FUBP1: variants seen among roughly 807,000 people sequenced by gnomAD.
FUBP1 encodes the protein far upstream element-binding protein 1.
Under a neutral mutation model 94.9 loss-of-function variants are expected in FUBP1, and 16 were observed. The observed-to-expected ratio is 0.17, with a 90% CI of 0.11 to 0.26. The LOEUF (loss-of-function observed/expected upper bound fraction) is 0.26. Among genes scored for constraint, FUBP1 ranks in the 10% least tolerant of loss-of-function variants. FUBP1 has a pLI of 1.00. For missense variants in FUBP1, 583 were observed against 808.6 expected, an observed-to-expected ratio of 0.72 and a Z score of 3.38; for synonymous variants, 279 against 254.9, an observed-to-expected ratio of 1.09 and a Z score of -0.90.
In FUBP1 at chr1:77,963,602, A is replaced by G. The variant is rs1321277813; in HGVS notation, c.1155T>C (p.Thr385=). 2 of 1,592,544 alleles carry G rather than the reference A, an allele frequency of 1.3e-6. No homozygotes were observed. Among genetic ancestry groups the G allele is most frequent in the South Asian group, 2.2e-5 (2 of 90,574 alleles). The part of the protein sequence containing the change: ...GLQEFNFIVP[T]GKTGLIIGKG... ...TTCCTATTATTAATCCAGTTTTCCC[A>G]GTTGGCACAATAAAATTAAATTCCT... The change falls in exon 13 of 20, where the codon ACT becomes ACC. Residue 385 remains threonine, a synonymous_variant. Transcript: ENST00000370768.
At chr1:77,959,991 G>T (rs771210489) in intron 16 of FUBP1, among the ~76,000 whole-genome samples, 193 bp downstream of exon 16, 2 of 152,192 alleles carry the variant, frequency 1.3e-5, no homozygotes, top group Non-Finnish European at 2.9e-5. Context: ...CAAGTAGAAA[G>T]AAATTCCATA....
chr1:77,948,403 A>G lies in FUBP1; in HGVS notation c.*363T>C. The G allele has an allele frequency of 9.3e-7, 1 of 1,081,016 alleles. No homozygotes were observed. The highest frequency in any genetic ancestry group is 1.1e-6 in the Non-Finnish European group (1 of 886,782). 67.0% of individuals were successfully genotyped at this position (1,081,016 alleles called of 1,614,324 possible). A position where few individuals can be genotyped will look rare whatever the true frequency, so the allele number is the denominator to read the frequency against. On this transcript the variant is annotated 3_prime_UTR_variant, in exon 20 of 20. Transcript: ENST00000370768. ...ACCCACATATCCAACTTACCGACAC[A>G]GGAGGTTTCATATCATTTATTGTAA...
rs1222661015 is a variant in FUBP1, at chr1:77,947,599, T to A, written c.*1167A>T. ...CAGACTGTATTTGCATGTAGTCTAA[T>A]ATATTAATATGCAAAGAGCCAACAA... On this transcript the variant is annotated 3_prime_UTR_variant, in exon 20 of 20. Coordinates refer to ENST00000370768, the MANE Select transcript of FUBP1 (RefSeq NM_003902.5). 1 of 1,188,380 alleles carries A rather than the reference T, an allele frequency of 8.4e-7. No individual in the cohort carries two copies. Among genetic ancestry groups the A allele is most frequent in the Non-Finnish European group, 1.1e-6 (1 of 877,306 alleles). 73.6% of individuals were successfully genotyped at this position (1,188,380 alleles called of 1,614,324 possible).
At position 77,945,187 on chromosome 1, in the gene FUBP1, T is replaced by C. The variant is rs1423438360; in HGVS notation, c.*3579A>G. ...ACAGAAACAATGCCCCAATATCTAT[T>C]ATCATCAATCTATCTGTATTTTTTT... is the stretch of plus-strand genomic sequence containing the variant. On this transcript the variant is annotated 3_prime_UTR_variant, in exon 20 of 20. Transcript: ENST00000370768. Among the ~76,000 whole-genome samples, 2 of 151,868 alleles carry C rather than the reference T, an allele frequency of 1.3e-5. No individual in the cohort carries two copies. The highest frequency in any genetic ancestry group is 4.8e-5 in the African/African-American group (2 of 41,404).
At chr1:77,960,287 A>G (rs1418518078) in intron 15 of FUBP1, 24 bp from the exon 16 acceptor site, 3 of 1,612,650 alleles carry the variant, frequency 1.9e-6, no homozygotes, top group South Asian at 1.1e-5. Flanking sequence ...TCAGCATAAA[A>G]AACAGTCCCA....
chr1:77,955,521 G>A (rs1654285240), intron 17 of FUBP1, 192 bp from the exon 18 acceptor site: 4 of 495,518 alleles, frequency 8.1e-6, no homozygotes, highest in Non-Finnish European at 1.4e-5. Context: ...GTGGTGGACA[G>A]AAAAGAAAAC....
In FUBP1 at chr1:77,946,671, T is replaced by C. The variant is rs920396064; in HGVS notation, c.*2095A>G. ...ACAGCCTCCAATTTGTGAATTATGA[T>C]ACTGAATTCAACTGAACTACTTCTT... On this transcript the variant is annotated 3_prime_UTR_variant, in exon 20 of 20. Transcript: ENST00000370768. The C allele has an allele frequency of 3.9e-5, 8 of 204,690 alleles. No individual in the cohort carries two copies. The highest frequency in any genetic ancestry group is 1.2e-4 in the Admixed American group (2 of 16,744). The allele number at this position is 204,690 out of a possible 1,614,324, so 12.7% of individuals were successfully genotyped here. A position where few individuals can be genotyped will look rare whatever the true frequency, so the allele number is the denominator to read the frequency against.
intron 14 of FUBP1, among the ~76,000 whole-genome samples, chr1:77,961,207 A>G (rs1025667700): frequency 2.6e-5 from 4 of 152,230 alleles, no homozygotes; most frequent in African/African-American, 9.7e-5. Context: ...AAGCCAACAA[A>G]GACATTACAC....
chr1:77,952,590 A>C (rs1359419018), intron 18 of FUBP1, among the ~76,000 whole-genome samples: 2 of 152,192 alleles, frequency 1.3e-5, no homozygotes, highest in Non-Finnish European at 2.9e-5. Flanking sequence ...TGAGATAAAG[A>C]TATCTCCCTA....
chr1:77,962,533 T>TC (rs1655687797), intron 14 of FUBP1, among the ~76,000 whole-genome samples: 1 of 152,186 alleles, frequency 6.6e-6, no homozygotes, highest in African/African-American at 2.4e-5. Flanking sequence ...AACACTACCC[T>TC]CCTCTTATCT....
intron 1 of FUBP1, among the ~76,000 whole-genome samples, chr1:77,974,474 G>T (rs2102505669): frequency 6.6e-6 from 1 of 152,142 alleles, no homozygotes; most frequent in Non-Finnish European, 1.5e-5. Context: ...TCACCATGTT[G>T]CCTAGGGTGG....
At chr1:77,977,259 G>T (rs2102535138) in intron 1 of FUBP1, among the ~76,000 whole-genome samples, 1 of 152,284 alleles carries the variant, frequency 6.6e-6, no homozygotes, top group African/African-American at 2.4e-5. Flanking sequence ...TGTAATCCCA[G>T]CTTTGGGAGG....
intron 1 of FUBP1, 36 bp downstream of exon 1, chr1:77,978,849 G>C (rs1659287379): frequency 8.7e-6 from 14 of 1,613,046 alleles, no homozygotes; most frequent in Non-Finnish European, 1.2e-5. Flanking sequence ...CAATTACCGT[G>C]AGCTTTCGGG....
intron 4 of FUBP1, 103 bp from the exon 5 acceptor site, chr1:77,967,204 G>T: frequency 1.4e-6 from 1 of 710,984 alleles, no homozygotes; most frequent in Non-Finnish European, 2.3e-6. Context: ...GTCTCCCAAT[G>T]GCTTAAACTA....
At position 77,964,572 on chromosome 1, in the gene FUBP1, T is replaced by C. The variant is rs532572363; in HGVS notation, c.837+74A>G. The C allele has an allele frequency of 1.1e-5, 10 of 888,786 alleles. No homozygotes were observed. In the African/African-American group the frequency reaches 1.5e-4, roughly 13 times the overall value. 55.1% of individuals were successfully genotyped at this position (888,786 alleles called of 1,614,324 possible). On this transcript the variant is annotated intron_variant, in intron 10 of 19. Transcript: ENST00000370768. The stretch of plus-strand genomic sequence containing the variant: ...AAAGGATAACAATGTTAGAGCTACT[T>C]AACACAAAACAGAAAACACTATTAT...
At chr1:77,965,380 T>C (rs1288307324) in intron 7 of FUBP1, 149 bp from the exon 8 acceptor site, 1 of 452,064 alleles carries the variant, frequency 2.2e-6, no homozygotes, top group African/African-American at 2.0e-5. Context: ...CTTTTACTTT[T>C]AACTGAAAGA....
chr1:77,968,301 A>AT, intron 2 of FUBP1, 98 bp from the exon 3 acceptor site: 1 of 708,626 alleles, frequency 1.4e-6, no homozygotes, highest in Non-Finnish European at 2.3e-6. Flanking sequence ...TTATTGAAAT[A>AT]TCTGAAGGTA....
chr1:77,967,216 G>T, intron 4 of FUBP1, 115 bp from the exon 5 acceptor site: 1 of 651,762 alleles, frequency 1.5e-6, no homozygotes, highest in South Asian at 2.1e-5. Flanking sequence ...CTTAAACTAA[G>T]GTTCTAGGCT....
At chr1:77,954,655 GATA>G (rs1475714454) in intron 18 of FUBP1, among the ~76,000 whole-genome samples, 3 of 152,152 alleles carry the variant, frequency 2.0e-5, no homozygotes, top group Non-Finnish European at 4.4e-5. Context: ...GCTAGTGAAG[GATA>G]ACCAAGCTTA....
Sources: gnomAD v4.1 joint callset for allele counts (sites outside exome capture counted in the v4.1 genomes callset) on GRCh38, gnomAD v4.1.1 for gene constraint, MANE v1.5 for transcripts, NCBI Gene and HGNC (gene_info 2026-07-23, HGNC 2026-07-21) for gene names.